The following OSTM1 variants were observed in gnomAD, a reference collection of about 807,000 sequenced individuals.
OSTM1 encodes the protein osteopetrosis-associated transmembrane protein 1.
A neutral mutation model predicts 35.4 loss-of-function variants in OSTM1; 26 were observed. The ratio of observed to expected loss-of-function variants is 0.73; its 90% CI spans 0.54 to 1.02. The LOEUF is 1.02. Ranked by LOEUF, OSTM1 falls within the 50% of genes least tolerant of loss-of-function variation. The probability of loss-of-function intolerance (pLI) is 0.00; values close to 1 mark genes in which losing one functional copy is unlikely to be tolerated. For missense variants in OSTM1, 366 were observed against 409.6 expected, an observed-to-expected ratio of 0.89 and a Z score of 0.92; for synonymous variants, 181 against 165.0, an observed-to-expected ratio of 1.10 and a Z score of -0.75.
intron 1 of OSTM1, among the ~76,000 whole-genome samples, chr6:108,074,002 G>A (rs1176577400): frequency 1.3e-5 from 2 of 152,052 alleles, no homozygotes; most frequent in African/African-American, 4.8e-5. Flanking sequence ...TGGGGAATCA[G>A]GACCCCCAAG....
chr6:108,074,373 G>A lies in OSTM1; in HGVS notation c.279C>T (p.Asn93=), dbSNP rs542761263. ...GACACCCTGTCAGCTCTGCGCTGCT[G>A]TTGGCGAAGTCCAGCAGGAGCTCCC... ...ECRELLLDFA[N]SSAELTGCLV... The change falls in exon 1 of 6, where the codon AAC becomes AAT. Residue 93 remains asparagine, a synonymous_variant. Transcript: ENST00000193322. 30 of 1,594,708 alleles carry A rather than the reference G, an allele frequency of 1.9e-5. 1 individual carries two copies. The South Asian group carries it at 3.3e-4, about 17-fold the overall frequency.
intron 5 of OSTM1, 33 bp from the exon 6 acceptor site, chr6:108,044,873 A>T (rs12174582): frequency 1.8e-6 from 2 of 1,096,356 alleles, no homozygotes; most frequent in South Asian, 3.2e-5. Context: ...ATTTTAATTT[A>T]AATTTAATTA....
intron 2 of OSTM1, among the ~76,000 whole-genome samples, chr6:108,061,650 C>T (rs930262956): frequency 6.6e-6 from 1 of 151,832 alleles, no homozygotes; most frequent in Non-Finnish European, 1.5e-5. Context: ...CTCAGCCTCC[C>T]AGGCAGCTGG....
chr6:108,063,423 T>A (rs1215430048), intron 2 of OSTM1, among the ~76,000 whole-genome samples: 1 of 152,226 alleles, frequency 6.6e-6, no homozygotes, highest in Non-Finnish European at 1.5e-5. Context: ...ATTTTCTTCT[T>A]CCTCCAAGGA....
At chr6:108,069,339 C>T (rs1257592517) in intron 1 of OSTM1, among the ~76,000 whole-genome samples, 1 of 152,170 alleles carries the variant, frequency 6.6e-6, no homozygotes, top group Admixed American at 6.5e-5. Context: ...ATGAAAGACA[C>T]AGATTATTAC....
chr6:108,064,737 A>T (rs1337236707), intron 1 of OSTM1, among the ~76,000 whole-genome samples: 1 of 152,232 alleles, frequency 6.6e-6, no homozygotes, highest in Non-Finnish European at 1.5e-5. Context: ...CACTATAAAA[A>T]TCCTGAAGTT....
chr6:108,064,860 C>T (rs951849138), intron 1 of OSTM1, among the ~76,000 whole-genome samples: 1 of 152,078 alleles, frequency 6.6e-6, no homozygotes, highest in South Asian at 2.1e-4. Context: ...AGAGTGGTAA[C>T]TCCTGGGAAA....
intron 1 of OSTM1, among the ~76,000 whole-genome samples, chr6:108,067,029 G>A (rs1037512877): frequency 3.3e-5 from 5 of 152,204 alleles, no homozygotes; most frequent in African/African-American, 1.2e-4. Context: ...CACCCAGGAA[G>A]TCAGGAGCTG....
In OSTM1 at chr6:108,074,712, G is replaced by T. The variant is rs982230507; in HGVS notation, c.-61C>A. ...CCTCTCCGCCCCCAGCCGGCACCGC[G>T]GACAGCCGCCGCTTCCGGTTTCCGC... On this transcript the variant is annotated 5_prime_UTR_variant, in exon 1 of 6. Transcript: ENST00000193322. 4.2e-6 allele frequency: 6 copies of T among 1,437,708 alleles called. No individual in the cohort carries two copies. Among genetic ancestry groups the T allele is most frequent in the Non-Finnish European group, 5.4e-6 (6 of 1,101,826 alleles). The allele number at this position is 1,437,708 out of a possible 1,614,324, so 89.1% of individuals were successfully genotyped here.
chr6:108,046,664 C>T (rs1771980884), intron 5 of OSTM1, among the ~76,000 whole-genome samples: 1 of 152,144 alleles, frequency 6.6e-6, no homozygotes, highest in South Asian at 2.1e-4. Flanking sequence ...TTTCTATCAA[C>T]TGTAAGTGGA....
chr6:108,050,967 T>C, intron 4 of OSTM1, 64 bp downstream of exon 4: 1 of 1,310,200 alleles, frequency 7.6e-7, no homozygotes, highest in Non-Finnish European at 1.1e-6. Flanking sequence ...AAAATAATAA[T>C]CATACTGAAG....
chr6:108,070,075 T>C (rs1772454286), intron 1 of OSTM1, among the ~76,000 whole-genome samples: 1 of 152,096 alleles, frequency 6.6e-6, no homozygotes, highest in African/African-American at 2.4e-5. Context: ...TCTTGCTCTG[T>C]CACCCAGGCT....
At position 108,064,961 on chromosome 6, in the gene OSTM1, C is replaced by T. The variant is rs562025448; in HGVS notation, c.403-662G>A. ...TCTGCTTTAAAATATAAAATCCAAG[C>T]GATTCTCATGCCACAGCCTCCCAGG... On this transcript the variant is annotated intron_variant, in intron 1 of 5. Coordinates refer to ENST00000193322, the MANE Select transcript of OSTM1 (RefSeq NM_014028.4). 3.9e-5 allele frequency among the ~76,000 whole-genome samples: 6 copies of T among 152,266 alleles called. No individual in the cohort carries two copies. In the South Asian group the frequency reaches 1.2e-3, roughly 32 times the overall value.
Position 108,048,479 on chromosome 6 carries a change from A to T in OSTM1, c.949+774T>A, listed in dbSNP as rs373774987. 4.6e-5 allele frequency among the ~76,000 whole-genome samples: 7 copies of T among 152,316 alleles called. No individual in the cohort carries two copies. The East Asian group carries it at 5.8e-4, about 13-fold the overall frequency. The stretch of plus-strand genomic sequence containing the variant: ...AAGGGAATTAATATGTATTGAGCAT[A>T]TACTATTATATCAAGTAATCTCCTT... On this transcript the variant is annotated intron_variant, in intron 5 of 5. Coordinates refer to ENST00000193322, the MANE Select transcript of OSTM1 (RefSeq NM_014028.4).
chr6:108,062,789 A>G (rs1772305098), intron 2 of OSTM1, among the ~76,000 whole-genome samples: 4 of 152,116 alleles, frequency 2.6e-5, no homozygotes, highest in Admixed American at 6.5e-5. Context: ...TGGCCTCCCA[A>G]AGTGCTGGGA....
Position 108,074,682 on chromosome 6 carries a change from C to G in OSTM1, c.-31G>C. 4.0e-6 allele frequency: 6 copies of G among 1,506,248 alleles called. No individual in the cohort carries two copies. Among genetic ancestry groups the G allele is most frequent in the Non-Finnish European group, 5.3e-6 (6 of 1,133,384 alleles). The allele number at this position is 1,506,248 out of a possible 1,614,324, so 93.3% of individuals were successfully genotyped here. A position where few individuals can be genotyped will look rare whatever the true frequency, so the allele number is the denominator to read the frequency against. On this transcript the variant is annotated 5_prime_UTR_variant, in exon 1 of 6. Transcript: ENST00000193322. ...GGCTCACACACCCCAGGGAGCCCAC[C>G]GCCGCCTCTCCGCCCCCAGCCGGCA...
chr6:108,073,901 C>T (rs1772532840), intron 1 of OSTM1: 1 of 349,416 alleles, frequency 2.9e-6, no homozygotes. Context: ...TGTCTCCACC[C>T]CACTTGTTTC....
chr6:108,070,416 A>G (rs1772460079), intron 1 of OSTM1, among the ~76,000 whole-genome samples: 1 of 152,128 alleles, frequency 6.6e-6, no homozygotes, highest in African/African-American at 2.4e-5. Flanking sequence ...ACACTCACTG[A>G]TATTTTCCTA....
At chr6:108,070,407 C>T (rs1772459869) in intron 1 of OSTM1, among the ~76,000 whole-genome samples, 1 of 152,164 alleles carries the variant, frequency 6.6e-6, no homozygotes, top group Non-Finnish European at 1.5e-5. Flanking sequence ...CAATTTATAA[C>T]ACTCACTGAT....
Sources: gnomAD v4.1 joint callset for allele counts (sites outside exome capture counted in the v4.1 genomes callset) on GRCh38, gnomAD v4.1.1 for gene constraint, MANE v1.5 for transcripts, NCBI Gene and HGNC (gene_info 2026-07-23, HGNC 2026-07-21) for gene names.